SERPINI1: variants seen among roughly 807,000 people sequenced by gnomAD.
SERPINI1 encodes the protein neuroserpin.
In SERPINI1, 19 loss-of-function variants were observed where a neutral mutation model predicts 41.1. The observed-to-expected ratio is 0.46, with a 90% CI of 0.32 to 0.68. The LOEUF is 0.68. Among genes scored for constraint, SERPINI1 ranks in the 30% least tolerant of loss-of-function variants. The pLI is 0.03. For synonymous variants in SERPINI1, 138 were observed against 156.6 expected (o/e 0.88, Z 0.89); for missense variants, 460 against 479.2 (o/e 0.96, Z 0.37).
intron 7 of SERPINI1, among the ~76,000 whole-genome samples, chr3:167,824,181 A>T (rs1248783044): frequency 6.6e-6 from 1 of 152,226 alleles, no homozygotes. Context: ...GAGAATAAAC[A>T]TTTCATAACA....
Position 167,825,516 on chromosome 3 carries a change from G to A in SERPINI1, c.*193G>A, listed in dbSNP as rs949785836. 1.1e-4 allele frequency: 63 copies of A among 562,082 alleles called. No individual in the cohort carries two copies. The East Asian group carries it at 1.9e-3, about 17-fold the overall frequency. 34.8% of individuals were successfully genotyped at this position (562,082 alleles called of 1,614,324 possible). A position where few individuals can be genotyped will look rare whatever the true frequency, so the allele number is the denominator to read the frequency against. Reference sequence around the variant, plus strand: ...AGTATTAAGCTAATGGTCCTGTTATGTCATTGTGTTTGTGTGCTGTTGTTT... The same window carrying A: ...AGTATTAAGCTAATGGTCCTGTTATATCATTGTGTTTGTGTGCTGTTGTTT... On this transcript the variant is annotated 3_prime_UTR_variant, in exon 9 of 9. Transcript: ENST00000446050.
intron 6 of SERPINI1, among the ~76,000 whole-genome samples, chr3:167,814,431 G>C (rs1035883667): frequency 1.3e-5 from 2 of 152,180 alleles, no homozygotes; most frequent in African/African-American, 4.8e-5. Context: ...TCATGGGTGG[G>C]GCTGAAGCTA....
intron 1 of SERPINI1, among the ~76,000 whole-genome samples, chr3:167,742,061 G>T (rs1725697051): frequency 6.6e-6 from 1 of 151,824 alleles, no homozygotes; most frequent in Middle Eastern, 3.4e-3. Context: ...AGAAGAAAAA[G>T]CCTTAAAATT....
At chr3:167,744,728 AATAT>A (rs554815207) in intron 1 of SERPINI1, among the ~76,000 whole-genome samples, 3 of 127,682 alleles carry the variant, frequency 2.3e-5, no homozygotes, top group Non-Finnish European at 4.8e-5. Flanking sequence ...TAAATATATA[AATAT>A]ATATATTATA....
intron 5 of SERPINI1, among the ~76,000 whole-genome samples, chr3:167,796,792 T>A (rs938826645): frequency 5.3e-5 from 8 of 152,162 alleles, no homozygotes; most frequent in Non-Finnish European, 1.5e-5. Context: ...TGATTCCATG[T>A]CTTTGCTATT....
At chr3:167,800,102 T>C (rs1577425303) in intron 5 of SERPINI1, 1 of 152,106 alleles carries the variant, frequency 6.6e-6, no homozygotes, top group Non-Finnish European at 1.5e-5. Flanking sequence ...ATCCAAAATA[T>C]AAGAATCTAT....
chr3:167,789,305 G>A lies in SERPINI1; in HGVS notation c.177G>A (p.Met59Ile). The A allele has an allele frequency of 6.2e-7, 1 of 1,614,194 alleles. No individual in the cohort carries two copies. The highest frequency in any genetic ancestry group is 8.5e-7 in the Non-Finnish European group (1 of 1,180,012). ...SPLSIALAMG[M>I]MELGAQGSTQ... is the part of the protein sequence containing the mutation. ...TGAGTATTGCTCTTGCAATGGGAAT[G>A]ATGGAACTTGGGGCCCAAGGATCTA... Residue 59 changes from methionine (M) to isoleucine (I), a missense_variant, in exon 2 of 9, where the codon ATG (methionine) becomes ATA (isoleucine). Met to Ile is a conservative substitution (Grantham distance 10). Transcript: ENST00000446050.
chr3:167,745,012 T>A (rs2108531186), intron 1 of SERPINI1, among the ~76,000 whole-genome samples: 1 of 150,590 alleles, frequency 6.6e-6, no homozygotes, highest in East Asian at 1.9e-4. Context: ...AGAGGAGACA[T>A]CACTACCAAT....
chr3:167,807,834 G>C (rs1711703659), intron 6 of SERPINI1, among the ~76,000 whole-genome samples: 1 of 152,018 alleles, frequency 6.6e-6, no homozygotes, highest in African/African-American at 2.4e-5. Context: ...AATAAACAGT[G>C]GGCTGGGCAT....
intron 5 of SERPINI1, among the ~76,000 whole-genome samples, chr3:167,803,044 G>A (rs1232085197): frequency 7.3e-5 from 11 of 151,494 alleles, no homozygotes; most frequent in Admixed American, 2.0e-4. Flanking sequence ...ACCAAACACC[G>A]CATATTCTCA....
At chr3:167,807,979 A>G (rs924271798) in intron 6 of SERPINI1, among the ~76,000 whole-genome samples, 14 of 151,810 alleles carry the variant, frequency 9.2e-5, no homozygotes, top group Admixed American at 5.3e-4. Context: ...TTAGCCACAC[A>G]TGGTGGTGGG....
At chr3:167,762,704 A>C (rs992927523) in intron 1 of SERPINI1, among the ~76,000 whole-genome samples, 2 of 151,976 alleles carry the variant, frequency 1.3e-5, no homozygotes, top group African/African-American at 4.8e-5. Context: ...GAAGCTTCCT[A>C]ATCTTTTTAT....
At chr3:167,745,003 G>C (rs1725822365) in intron 1 of SERPINI1, among the ~76,000 whole-genome samples, 2 of 150,314 alleles carry the variant, frequency 1.3e-5, no homozygotes, top group South Asian at 4.2e-4. Flanking sequence ...ATATAGTAAA[G>C]AGGAGACATC....
At chr3:167,759,107 C>G (rs1005295460) in intron 1 of SERPINI1, among the ~76,000 whole-genome samples, 1 of 152,054 alleles carries the variant, frequency 6.6e-6, no homozygotes, top group Non-Finnish European at 1.5e-5. Flanking sequence ...ATTTTCCTCT[C>G]TACAGAAACT....
At chr3:167,788,366 A>G (rs1306085779) in intron 1 of SERPINI1, among the ~76,000 whole-genome samples, 1 of 152,206 alleles carries the variant, frequency 6.6e-6, no homozygotes, top group African/African-American at 2.4e-5. Context: ...ATTTAAATAG[A>G]AACACCAGTT....
chr3:167,805,835 A>G (rs1453036581), intron 5 of SERPINI1, among the ~76,000 whole-genome samples: 2 of 152,112 alleles, frequency 1.3e-5, no homozygotes, highest in East Asian at 3.9e-4. Flanking sequence ...AGGTTTGTCA[A>G]AGATCAGATG....
intron 6 of SERPINI1, among the ~76,000 whole-genome samples, chr3:167,821,347 C>T (rs1012341051): frequency 1.3e-5 from 2 of 152,186 alleles, no homozygotes; most frequent in Admixed American, 6.5e-5. Flanking sequence ...CTGTGACACC[C>T]GCTTTGAAGC....
chr3:167,740,932 A>C (rs573882058), intron 1 of SERPINI1, among the ~76,000 whole-genome samples: 1 of 152,376 alleles, frequency 6.6e-6, no homozygotes, highest in Non-Finnish European at 1.5e-5. Context: ...ATGTAATATG[A>C]GGCCTTAACT....
Position 167,824,555 on chromosome 3 carries a change from G to A in SERPINI1, c.1149G>A (p.Arg383=). The A allele has an allele frequency of 6.2e-7, 1 of 1,609,756 alleles. No individual in the cohort carries two copies. The highest frequency in any genetic ancestry group is 8.5e-7 in the Non-Finnish European group (1 of 1,176,406). Residue 383 remains arginine (R), a synonymous_variant, in exon 8 of 9, where the codon AGG becomes AGA. Transcript: ENST00000446050. ...CATTTTTCTTTCTTATCAGAAACAG[G>A]AGAACTGGTAAGTTTATTATGAAAA... ...DHPFFFLIRN[R]RTGTILFMGR... is the part of the protein sequence containing the mutation.
Sources: allele counts gnomAD v4.1 joint callset (sites outside exome capture counted in the v4.1 genomes callset), GRCh38; gene constraint gnomAD v4.1.1; transcripts MANE v1.5; gene names NCBI Gene and HGNC (gene_info 2026-07-23, HGNC 2026-07-21).